RBM42: variants seen among roughly 807,000 people sequenced by gnomAD.
RBM42 encodes RNA-binding protein 42.
In RBM42, 21 loss-of-function variants were observed where a neutral mutation model predicts 41.4. The observed-to-expected ratio is 0.51, with a 90% CI of 0.36 to 0.73. RBM42 has a LOEUF of 0.73. RBM42 is among the 30% of genes least tolerant of loss of function. The probability of loss-of-function intolerance (pLI) is 0.00; values close to 1 mark genes in which losing one functional copy is unlikely to be tolerated. For synonymous variants in RBM42, 272 were observed against 271.2 expected (o/e 1.00, Z -0.03); for missense variants, 539 against 680.4 (o/e 0.79, Z 2.31).
chr19:35,629,681 T>C lies in RBM42; in HGVS notation c.282+8T>C, dbSNP rs542376420. Reference sequence around the variant, plus strand: ...ACCAACACATACCAGCAGGTACGGCTGAGCTAAGGCATGTAAGTCAGGGAA... The same window carrying C: ...ACCAACACATACCAGCAGGTACGGCCGAGCTAAGGCATGTAAGTCAGGGAA... On this transcript the variant is annotated splice_region_variant and intron_variant, in intron 2 of 9. Transcript: ENST00000262633. 6 of 1,613,848 alleles carry C rather than the reference T, an allele frequency of 3.7e-6. No individual in the cohort carries two copies. The highest frequency in any genetic ancestry group is 5.1e-6 in the Non-Finnish European group (6 of 1,179,914).
At chr19:35,633,351 C>A in intron 6 of RBM42, 99 bp downstream of exon 6, 1 of 947,774 alleles carries the variant, frequency 1.1e-6, no homozygotes, top group Non-Finnish European at 1.6e-6. Flanking sequence ...TCTCTCCTGA[C>A]TTTCTGTTTC....
intron 2 of RBM42, among the ~76,000 whole-genome samples, chr19:35,630,925 G>A (rs1452994126): frequency 6.6e-6 from 1 of 152,214 alleles, no homozygotes; most frequent in Non-Finnish European, 1.5e-5. Context: ...AAGTGCTGTG[G>A]GGAAGATGAA....
Position 35,633,933 on chromosome 19 carries a change from C to G in RBM42, c.931C>G (p.Pro311Ala), listed in dbSNP as rs1024316516. The G allele has an allele frequency of 1.3e-5, 21 of 1,582,650 alleles. No homozygotes were observed. Among genetic ancestry groups the G allele is most frequent in the Non-Finnish European group, 1.6e-5 (19 of 1,169,476 alleles). The change falls in exon 7 of 10, where the codon CCG (proline) becomes GCG (alanine). Residue 311 changes from proline (P) to alanine (A), a missense_variant. Pro to Ala is a conservative substitution (Grantham distance 27). Around this residue, in one of 2 missense-constraint regions of RBM42, gnomAD observed 429 missense variants for 488.9 expected, o/e 0.88. Transcript: ENST00000262633. Reference protein sequence around the residue: ...PLEVVRGLLPPLRIPELLSLR... With the variant: ...PLEVVRGLLPALRIPELLSLR... The stretch of plus-strand genomic sequence containing the variant: ...GGAGGTCGTCCGCGGCCTCCTGCCC[C>G]CGCTGCGCATTCCTGAACTCCTGTC...
intron 4 of RBM42, 42 bp from the exon 5 acceptor site, chr19:35,632,894 C>T: frequency 1.2e-6 from 1 of 817,176 alleles, no homozygotes; most frequent in Non-Finnish European, 2.2e-6. Flanking sequence ...CCCAAGTGCC[C>T]CTGTCCCCCA....
intron 2 of RBM42, among the ~76,000 whole-genome samples, chr19:35,630,627 G>A (rs1045724348): frequency 4.6e-5 from 7 of 152,220 alleles, no homozygotes; most frequent in Admixed American, 2.6e-4. Context: ...TTAGGCGGGC[G>A]TGTCGGCGGG....
chr19:35,631,369 C>A lies in RBM42; in HGVS notation c.406C>A (p.Pro136Thr), dbSNP rs754908882. 1.3e-5 allele frequency: 21 copies of A among 1,614,186 alleles called. No homozygotes were observed. The South Asian group carries it at 2.1e-4, about 16-fold the overall frequency. ...TGGTGATCGGAGTCACCTGGACAGC[C>A]CAGAGGCTCGAGAAGCCATGTTCCT... The part of the protein sequence containing the change: ...GPGDRSHLDS[P>T]EAREAMFLRR... The change falls in exon 4 of 10, where the codon CCA becomes ACA. Residue 136 changes from proline to threonine, a missense_variant. Coordinates refer to ENST00000262633, the MANE Select transcript of RBM42 (RefSeq NM_024321.5).
rs570385369 is a variant in RBM42, at chr19:35,634,166, CCTTA to C, written c.1018-87_1018-84del. The C allele has an allele frequency of 2.8e-3, 4,438 of 1,563,322 alleles. 9 individuals are homozygous for C. The highest frequency in any genetic ancestry group is 3.5e-3 in the Non-Finnish European group (4,031 of 1,147,440). On this transcript the variant is annotated intron_variant, in intron 7 of 9. Coordinates refer to ENST00000262633, the MANE Select transcript of RBM42 (RefSeq NM_024321.5). ...CCCCACATCCAGAAGCACATCCAGC[CCTTA>C]CTGTGGTGGCAGGAGGGCCGGGGAC...
At chr19:35,633,414 C>T (rs998417085) in intron 6 of RBM42, among the ~76,000 whole-genome samples, 162 bp downstream of exon 6, 4 of 152,276 alleles carry the variant, frequency 2.6e-5, no homozygotes, top group African/African-American at 9.6e-5. Context: ...CTTTCTGTGG[C>T]AAAATCTGTT....
In RBM42 at chr19:35,633,744, A is replaced by G; in HGVS notation, c.742A>G (p.Lys248Glu). The stretch of plus-strand genomic sequence containing the variant: ...AGGCCTGGGGTTGGGCCTGAAAGAG[A>G]AGGAAGAGGCAGTGGTGGCGGCGGC... The part of the protein sequence containing the change: ...GLGLGLGLKE[K>E]EEAVVAAAAG... The change falls in exon 7 of 10, where the codon AAG (lysine) becomes GAG (glutamate). Residue 248 changes from lysine to glutamate, a missense_variant. Lys to Glu is a moderately conservative substitution (Grantham distance 56, BLOSUM62 1). This residue lies in a region of RBM42 where 429 missense variants were observed against 488.9 expected (regional missense o/e 0.88). Transcript: ENST00000262633. 6.7e-7 allele frequency: 1 copy of G among 1,492,120 alleles called. No individual in the cohort carries two copies. The highest frequency in any genetic ancestry group is 8.9e-7 in the Non-Finnish European group (1 of 1,126,708). The allele number at this position is 1,492,120 out of a possible 1,614,324, so 92.4% of individuals were successfully genotyped here.
rs1599605615 is a variant in RBM42 at position 35,631,358 on chromosome 19, A to C, written c.395A>C (p.His132Pro). Residue 132 changes from histidine to proline, a missense_variant, in exon 4 of 10, where the codon CAC becomes CCC. Around this residue, in one of 2 missense-constraint regions of RBM42, gnomAD observed 429 missense variants for 488.9 expected, o/e 0.88. Coordinates refer to ENST00000262633, the MANE Select transcript of RBM42 (RefSeq NM_024321.5). ...GGCTTTGGCCCTGGTGATCGGAGTCACCTGGACAGCCCAGAGGCTCGAGAA... is the reference window on the plus strand; with the variant it reads ...GGCTTTGGCCCTGGTGATCGGAGTCCCCTGGACAGCCCAGAGGCTCGAGAA... Reference protein sequence around the residue: ...PVGFGPGDRSHLDSPEAREAM... With the variant: ...PVGFGPGDRSPLDSPEAREAM... The C allele has an allele frequency of 6.2e-7, 1 of 1,614,158 alleles. No individual in the cohort carries two copies. Among genetic ancestry groups the C allele is most frequent in the African/African-American group, 1.3e-5 (1 of 75,026 alleles).
chr19:35,637,078 A>G lies in RBM42; in HGVS notation c.1136-80A>G. ...CCTAGGCAGAGACTAGATACCTCCG[A>G]AAAGGTGGGATCGTTCAGACAAGGT... On this transcript the variant is annotated intron_variant, in intron 8 of 9. Transcript: ENST00000262633. This position sits in a 1 kb window ranked among gnomAD's most constrained non-coding sequence, Gnocchi z 7.0. 1 of 1,347,838 alleles carries G rather than the reference A, an allele frequency of 7.4e-7. No homozygotes were observed. Among genetic ancestry groups the G allele is most frequent in the Non-Finnish European group, 1.0e-6 (1 of 980,186 alleles). 83.5% of individuals were successfully genotyped at this position (1,347,838 alleles called of 1,614,324 possible). A position where few individuals can be genotyped will look rare whatever the true frequency, so the allele number is the denominator to read the frequency against.
In RBM42 at chr19:35,632,986, G is replaced by T. The variant is rs772506401; in HGVS notation, c.493G>T (p.Val165Leu). 5 of 1,609,040 alleles carry T rather than the reference G, an allele frequency of 3.1e-6. No individual in the cohort carries two copies. Among genetic ancestry groups the T allele is most frequent in the Admixed American group, 1.7e-5 (1 of 59,826 alleles). The change falls in exon 5 of 10, where the codon GTG becomes TTG. Residue 165 changes from valine (V) to leucine (L), a missense_variant. Val to Leu is a conservative substitution (Grantham distance 32). Coordinates refer to ENST00000262633, the MANE Select transcript of RBM42 (RefSeq NM_024321.5). ...PILRPAFVPH[V>L]LQRADSALSS... ...CCTGCGTCCAGCCTTCGTCCCCCAC[G>T]TGCTACAGAGAGCAGGTGAGGGGCC...
At chr19:35,635,331 A>AG (rs1491343914) in intron 8 of RBM42, among the ~76,000 whole-genome samples, 3 of 150,940 alleles carry the variant, frequency 2.0e-5, no homozygotes, top group East Asian at 1.9e-4. Flanking sequence ...AAAAAAAAAA[A>AG]GAAAAGAGAT....
chr19:35,637,027 G>C lies in RBM42; in HGVS notation c.1136-131G>C. The C allele has an allele frequency of 2.5e-6, 2 of 799,156 alleles. No homozygotes were observed. Among genetic ancestry groups the C allele is most frequent in the Non-Finnish European group, 3.9e-6 (2 of 507,952 alleles). 49.5% of individuals were successfully genotyped at this position (799,156 alleles called of 1,614,324 possible). A position where few individuals can be genotyped will look rare whatever the true frequency, so the allele number is the denominator to read the frequency against. On this transcript the variant is annotated intron_variant, in intron 8 of 9. Coordinates refer to ENST00000262633, the MANE Select transcript of RBM42 (RefSeq NM_024321.5). The surrounding 1 kb of genome is among the most constrained non-coding windows in gnomAD (Gnocchi z 7.0). Reference sequence around the variant, plus strand: ...AGAGCTCCTGGCGCAGGGTCAGTAGGTGTTGACCATTATTACTAAGAGGTC... The same window carrying C: ...AGAGCTCCTGGCGCAGGGTCAGTAGCTGTTGACCATTATTACTAAGAGGTC...
rs909082055 is a variant in RBM42, at chr19:35,629,066, A to G, written c.-88A>G. Reference sequence around the variant, plus strand: ...TGCTGGACGTCATCCTCGGGAGCCCACCCGGACGAAGGGGGAGAGTAGACA... The same window carrying G: ...TGCTGGACGTCATCCTCGGGAGCCCGCCCGGACGAAGGGGGAGAGTAGACA... On this transcript the variant is annotated 5_prime_UTR_variant, in exon 1 of 10. Transcript: ENST00000262633. 4.3e-5 allele frequency: 62 copies of G among 1,447,576 alleles called. No homozygotes were observed. Among genetic ancestry groups the G allele is most frequent in the Non-Finnish European group, 5.0e-5 (55 of 1,103,028 alleles). The allele number at this position is 1,447,576 out of a possible 1,614,324, so 89.7% of individuals were successfully genotyped here.
chr19:35,632,904 A>G, intron 4 of RBM42, 32 bp from the exon 5 acceptor site: 1 of 954,134 alleles, frequency 1.0e-6, no homozygotes, highest in Non-Finnish European at 1.7e-6. Flanking sequence ...CCTGTCCCCC[A>G]TGACACACAC....
At chr19:35,631,435 T>G in intron 4 of RBM42, 30 bp downstream of exon 4, 1 of 1,602,868 alleles carries the variant, frequency 6.2e-7, no homozygotes, top group Non-Finnish European at 8.5e-7. Flanking sequence ...CCCCCACATT[T>G]AATCAGGCAC....
chr19:35,637,490 A>G lies in RBM42; in HGVS notation c.1379A>G (p.Lys460Arg). ...RPIKLRKSMW[K>R]DRNLDVVRKK... The stretch of plus-strand genomic sequence containing the variant: ...ATCAAGCTTCGCAAGAGCATGTGGA[A>G]GGACCGGAATCTGGACGTGGTCCGC... The change falls in exon 10 of 10, where the codon AAG (lysine) becomes AGG (arginine). Residue 460 changes from lysine (K) to arginine (R), a missense_variant. By Grantham distance (26) the Lys-to-Arg change is conservative. Coordinates refer to ENST00000262633, the MANE Select transcript of RBM42 (RefSeq NM_024321.5). This position sits in a 1 kb window ranked among gnomAD's most constrained non-coding sequence, Gnocchi z 7.0. 1 of 1,614,252 alleles carries G rather than the reference A, an allele frequency of 6.2e-7. No individual in the cohort carries two copies. Among genetic ancestry groups the G allele is most frequent in the South Asian group, 1.1e-5 (1 of 91,088 alleles).
intron 2 of RBM42, among the ~76,000 whole-genome samples, 184 bp from the exon 3 acceptor site, chr19:35,630,956 G>C (rs904606747): frequency 6.6e-6 from 1 of 152,188 alleles, no homozygotes; most frequent in Non-Finnish European, 1.5e-5. Context: ...GAGAGAAGTT[G>C]CTGCTCAGAG....
Sources: allele counts gnomAD v4.1 joint callset (sites outside exome capture counted in the v4.1 genomes callset), GRCh38; gene constraint gnomAD v4.1.1; regional missense constraint gnomAD v4.1.1; non-coding constraint Gnocchi (gnomAD v3.1); transcripts MANE v1.5; gene names NCBI Gene and HGNC (gene_info 2026-07-23, HGNC 2026-07-21).